The following RECQL5 variants were observed in gnomAD, a reference collection of about 807,000 sequenced individuals.
RECQL5 encodes the protein ATP-dependent DNA helicase Q5.
A neutral mutation model predicts 103.4 loss-of-function variants in RECQL5; 88 were observed. The ratio of observed to expected loss-of-function variants is 0.85; its 90% CI spans 0.72 to 1.02. RECQL5 has a LOEUF of 1.02. Among genes scored for constraint, RECQL5 ranks in the 50% least tolerant of loss-of-function variants. The pLI is 0.00. For missense variants in RECQL5, 1,232 were observed against 1,284.3 expected (o/e 0.96, Z 0.62); for synonymous variants, 552 against 507.9 (o/e 1.09, Z -1.17).
intron 8 of RECQL5, chr17:75,633,535 A>G (rs553484011): frequency 9.3e-6 from 12 of 1,285,620 alleles, no homozygotes; most frequent in African/African-American, 6.1e-5. Flanking sequence ...TTCTCCCCCA[A>G]GACGCCTTCA....
In RECQL5 at chr17:75,629,908, C is replaced by G; in HGVS notation, c.1813-66G>C. The G allele has an allele frequency of 4.6e-6, 7 of 1,533,232 alleles. No homozygotes were observed. The South Asian group carries it at 8.6e-5, about 19-fold the overall frequency. The allele number at this position is 1,533,232 out of a possible 1,614,324, so 95.0% of individuals were successfully genotyped here. ...TCCTCCTGACATGCCCCACCTAGCC[C>G]TCCTTTTCTACTAGGCACTACAAGT... is the stretch of plus-strand genomic sequence containing the variant. On this transcript the variant is annotated intron_variant, in intron 14 of 19. Coordinates refer to ENST00000317905, the MANE Select transcript of RECQL5 (RefSeq NM_004259.7).
chr17:75,647,529 A>T (rs779017708), intron 8 of RECQL5: 1 of 1,550,368 alleles, frequency 6.5e-7, no homozygotes. Flanking sequence ...TCACTTCCAC[A>T]GAAAACACTC....
rs761225202 is a variant in RECQL5 at position 75,629,197 on chromosome 17, G to A, written c.2226C>T (p.Ala742=). ...GCTGTTTCTTGCTAGCCCGGCCCTT[G>A]GCAAGGGAGCTGCCCCCAGAGGAAC... ...AKSSSGGSSL[A]KGRASKKQQL... is the part of the protein sequence containing the mutation. Residue 742 remains alanine (A), a synonymous_variant, in exon 16 of 20, where the codon GCC becomes GCT. Transcript: ENST00000317905. The A allele has an allele frequency of 6.2e-7, 1 of 1,613,580 alleles. No individual in the cohort carries two copies. The highest frequency in any genetic ancestry group is 1.1e-5 in the South Asian group (1 of 91,082).
chr17:75,649,862 T>A, intron 8 of RECQL5: 1 of 985,494 alleles, frequency 1.0e-6, no homozygotes, highest in Non-Finnish European at 1.2e-6. Context: ...CCCCAGCCCC[T>A]GGCAACCAGG....
At chr17:75,633,504 C>T (rs945773506) in intron 8 of RECQL5, 2 of 1,288,540 alleles carry the variant, frequency 1.6e-6, no homozygotes, top group African/African-American at 3.0e-5. Flanking sequence ...AGGCCACTCC[C>T]AGGTCACTCA....
intron 8 of RECQL5, chr17:75,650,934 A>C: frequency 6.9e-7 from 1 of 1,446,080 alleles, no homozygotes; most frequent in Non-Finnish European, 9.0e-7. Context: ...CAGCCATCCC[A>C]GAAGAGGGTG....
chr17:75,631,126 A>G, intron 10 of RECQL5, 24 bp downstream of exon 10: 1 of 1,611,816 alleles, frequency 6.2e-7, no homozygotes, highest in South Asian at 1.1e-5. Context: ...GGCCCCACAC[A>G]GGCCACTGAG....
intron 8 of RECQL5, among the ~76,000 whole-genome samples, 158 bp from the exon 9 acceptor site, chr17:75,631,826 G>C (rs1208545960): frequency 6.6e-6 from 1 of 152,232 alleles, no homozygotes; most frequent in Non-Finnish European, 1.5e-5. Flanking sequence ...ACCAGGCATC[G>C]TTTGGCTCTC....
intron 8 of RECQL5, among the ~76,000 whole-genome samples, chr17:75,645,272 A>G (rs1357549723): frequency 6.6e-6 from 1 of 152,178 alleles, no homozygotes; most frequent in Non-Finnish European, 1.5e-5. Context: ...AGTCATCCCA[A>G]AGTAGTCAAT....
intron 7 of RECQL5, among the ~76,000 whole-genome samples, chr17:75,657,199 T>C (rs1462539294): frequency 6.6e-6 from 1 of 151,932 alleles, no homozygotes; most frequent in Non-Finnish European, 1.5e-5. Context: ...CAAGAGCTCG[T>C]CTCTACAAAA....
Position 75,627,068 on chromosome 17 carries a change from C to T in RECQL5, c.*354G>A. The stretch of plus-strand genomic sequence containing the variant: ...GGGTCCCCTGGGTAGGTTCCGATAC[C>T]TTGGACAGGTGGGCCTCATCCTGAC... On this transcript the variant is annotated 3_prime_UTR_variant, in exon 20 of 20. Transcript: ENST00000317905. 4.4e-6 allele frequency: 2 copies of T among 455,750 alleles called. No individual in the cohort carries two copies. The highest frequency in any genetic ancestry group is 3.3e-5 in the South Asian group (2 of 61,164). 28.2% of individuals were successfully genotyped at this position (455,750 alleles called of 1,614,324 possible).
chr17:75,656,987 A>G (rs1599048349), intron 7 of RECQL5, among the ~76,000 whole-genome samples: 1 of 150,988 alleles, frequency 6.6e-6, no homozygotes, highest in South Asian at 2.1e-4. Context: ...CTCGTGATCC[A>G]CCCGCCTCGG....
chr17:75,641,072 C>A, intron 8 of RECQL5: 2 of 1,200,750 alleles, frequency 1.7e-6, no homozygotes, highest in African/African-American at 1.5e-5. Flanking sequence ...GAAACAAGGG[C>A]TGGTATAGGT....
At position 75,631,618 on chromosome 17, in the gene RECQL5, C is replaced by T. The variant is rs780533278; in HGVS notation, c.1280G>A (p.Cys427Tyr). Residue 427 changes from cysteine (C) to tyrosine (Y), a missense_variant, in exon 9 of 20, where the codon TGC becomes TAC. Coordinates refer to ENST00000317905, the MANE Select transcript of RECQL5 (RefSeq NM_004259.7). ...AKYFGDALPA[C>Y]AKGCDHCQNP... Reference sequence around the variant, plus strand: ...CTGGCAGTGGTCGCAGCCTTTGGCGCAGGCAGGCAGCGCATCCCCGAAGTA... The same window carrying T: ...CTGGCAGTGGTCGCAGCCTTTGGCGTAGGCAGGCAGCGCATCCCCGAAGTA... 6.2e-7 allele frequency: 1 copy of T among 1,612,412 alleles called. No individual in the cohort carries two copies. Among genetic ancestry groups the T allele is most frequent in the Admixed American group, 1.7e-5 (1 of 60,016 alleles).
chr17:75,627,520 T>TCAAGGCCC lies in RECQL5; in HGVS notation c.2877_2878insGGGCCTTG (p.Lys960GlyfsTer3), dbSNP rs754056907. On this transcript the variant is annotated frameshift_variant and splice_region_variant, in exon 20 of 20. Transcript: ENST00000317905. LOFTEE classifies it high-confidence loss of function. ...CTGATGAGGTTCTGGGCCTCTTCTTTCACTACAGATTCAGGGTGGGGGCAT... is the reference window on the plus strand; with the variant it reads ...CTGATGAGGTTCTGGGCCTCTTCTTTCAAGGCCCCACTACAGATTCAGGGTGGGGGCAT... 2.3e-5 allele frequency: 37 copies of TCAAGGCCC among 1,613,782 alleles called. No homozygotes were observed. Among genetic ancestry groups the TCAAGGCCC allele is most frequent in the Non-Finnish European group, 3.0e-5 (35 of 1,179,968 alleles).
At chr17:75,641,070 G>A in intron 8 of RECQL5, 1 of 1,204,506 alleles carries the variant, frequency 8.3e-7, no homozygotes, top group South Asian at 1.6e-5. Context: ...AGGAAACAAG[G>A]GCTGGTATAG....
At position 75,629,750 on chromosome 17, in the gene RECQL5, C is replaced by T; in HGVS notation, c.1905G>A (p.Glu635=). ...KSCSAQAEPP[E]PNEYDIPPAS... ...CTGGTGGAATGTCATACTCATTGGG[C>T]TCCGGGGGCTCAGCTTGGGCACTGC... The change falls in exon 15 of 20, where the codon GAG becomes GAA. Residue 635 remains glutamate, a synonymous_variant. Coordinates refer to ENST00000317905, the MANE Select transcript of RECQL5 (RefSeq NM_004259.7). 1.2e-6 allele frequency: 2 copies of T among 1,613,586 alleles called. No homozygotes were observed. The highest frequency in any genetic ancestry group is 1.7e-6 in the Non-Finnish European group (2 of 1,179,778).
At position 75,640,304 on chromosome 17, in the gene RECQL5, TTC is replaced by T; in HGVS notation, c.1230-8638_1230-8637del. The T allele has an allele frequency of 6.5e-7, 1 of 1,549,896 alleles. No homozygotes were observed. Among genetic ancestry groups the T allele is most frequent in the Non-Finnish European group, 8.7e-7 (1 of 1,146,242 alleles). The stretch of plus-strand genomic sequence containing the variant: ...GGCTGAGCCCGTGGAGATCGTGGCC[TTC>T]TCAGTCATCATCCTTTTCACAGGTT... On this transcript the variant is annotated intron_variant, in intron 8 of 19. Transcript: ENST00000317905. This position sits in a 1 kb window ranked among gnomAD's most constrained non-coding sequence, Gnocchi z 4.6.
intron 6 of RECQL5, among the ~76,000 whole-genome samples, chr17:75,658,992 G>A (rs949904665): frequency 1.3e-5 from 2 of 152,188 alleles, no homozygotes; most frequent in African/African-American, 2.4e-5. Flanking sequence ...GCCTAGGGGT[G>A]TCTGCCTTCA....
Sources: gnomAD v4.1 joint callset for allele counts (sites outside exome capture counted in the v4.1 genomes callset) on GRCh38, gnomAD v4.1.1 for gene constraint, Gnocchi (gnomAD v3.1) non-coding constraint, MANE v1.5 for transcripts, NCBI Gene and HGNC (gene_info 2026-07-23, HGNC 2026-07-21) for gene names.